Variants in MAD1L1 observed in about 807,000 individuals in gnomAD.
The protein encoded by MAD1L1 is mitotic spindle assembly checkpoint protein MAD1.
Under a neutral mutation model 96.9 loss-of-function variants are expected in MAD1L1, and 95 were observed. The ratio of observed to expected loss-of-function variants is 0.98; its 90% CI spans 0.83 to 1.16. The LOEUF (loss-of-function observed/expected upper bound fraction) is 1.16, where lower values mean the gene tolerates loss of function less well. Among genes scored for constraint, MAD1L1 ranks in the 50% most tolerant of loss-of-function variants. The probability of loss-of-function intolerance (pLI) is 0.00; values close to 1 mark genes in which losing one functional copy is unlikely to be tolerated. For missense variants in MAD1L1, 1,007 were observed against 954.4 expected (o/e 1.06, Z -0.73); for synonymous variants, 473 against 396.6 (o/e 1.19, Z -2.29).
rs1024615767 is a variant in MAD1L1, at chr7:1,939,904, C to T, written c.1597-3007G>A. The stretch of plus-strand genomic sequence containing the variant: ...CTCATCAGCCATGGGCAATCGTGGT[C>T]CCAGAGCCCAGAATGTGCCTCCAAC... On this transcript the variant is annotated intron_variant, in intron 16 of 18. Transcript: ENST00000265854. Among the ~76,000 whole-genome samples the T allele has an allele frequency of 1.1e-4, 17 of 152,206 alleles. No homozygotes were observed. The South Asian group carries it at 3.3e-3, about 30-fold the overall frequency.
intron 10 of MAD1L1, among the ~76,000 whole-genome samples, chr7:2,166,506 A>C (rs1562747530): frequency 6.6e-6 from 1 of 152,244 alleles, no homozygotes; most frequent in Admixed American, 6.5e-5. Flanking sequence ...AACCTTTCAA[A>C]CAAATGCCAT....
intron 18 of MAD1L1, among the ~76,000 whole-genome samples, chr7:1,841,502 C>A (rs1287798894): frequency 6.6e-6 from 1 of 152,240 alleles, no homozygotes; most frequent in East Asian, 1.9e-4. Context: ...GCCTCCTGAC[C>A]TCGGCCTGGC....
rs908495380 is a variant in MAD1L1 at position 2,146,187 on chromosome 7, C to T, written c.1073+2965G>A. Among the ~76,000 whole-genome samples, 3 of 152,206 alleles carry T rather than the reference C, an allele frequency of 2.0e-5. No individual in the cohort carries two copies. Among genetic ancestry groups the T allele is most frequent in the Admixed American group, 6.5e-5 (1 of 15,286 alleles). Reference sequence around the variant, plus strand: ...AGCTCGGCCTGAGGCACAAGCATTCCGAGATGCTGCCACGTGAGCTACCCC... The same window carrying T: ...AGCTCGGCCTGAGGCACAAGCATTCTGAGATGCTGCCACGTGAGCTACCCC... On this transcript the variant is annotated intron_variant, in intron 11 of 18. Coordinates refer to ENST00000265854, the MANE Select transcript of MAD1L1 (RefSeq NM_001013836.2). The surrounding 1 kb of genome is among the most constrained non-coding windows in gnomAD (Gnocchi z 6.2).
intron 13 of MAD1L1, among the ~76,000 whole-genome samples, chr7:2,007,254 G>A (rs1044311506): frequency 2.0e-5 from 3 of 152,222 alleles, no homozygotes; most frequent in Admixed American, 6.5e-5. Flanking sequence ...TGCCCCGCTG[G>A]ATCCAGATAC....
chr7:2,046,202 G>T (rs1584177509), intron 12 of MAD1L1, among the ~76,000 whole-genome samples: 2 of 152,284 alleles, frequency 1.3e-5, no homozygotes, highest in East Asian at 3.9e-4. Flanking sequence ...CTACAGAGGG[G>T]AGTCCCATCC....
intron 11 of MAD1L1, among the ~76,000 whole-genome samples, chr7:2,126,612 A>C (rs933713250): frequency 1.3e-5 from 2 of 152,308 alleles, no homozygotes; most frequent in South Asian, 2.1e-4. Context: ...GACCAAGCAC[A>C]ACCCAGGCCC....
At chr7:1,949,642 G>A (rs551664688) in intron 16 of MAD1L1, among the ~76,000 whole-genome samples, 46 of 152,312 alleles carry the variant, frequency 3.0e-4, no homozygotes, top group Admixed American at 8.5e-4. Flanking sequence ...CACAGGCACC[G>A]GCAGGGCCCT....
chr7:1,965,842 G>C (rs573776952), intron 15 of MAD1L1, among the ~76,000 whole-genome samples: 5 of 152,290 alleles, frequency 3.3e-5, no homozygotes, highest in Non-Finnish European at 7.3e-5. Context: ...AAGTGCAACA[G>C]ACGGTGCGAA....
rs1203484387 is a variant in MAD1L1, at chr7:1,816,005, C to T, written c.*65G>A. 19 of 1,504,506 alleles carry T rather than the reference C, an allele frequency of 1.3e-5. No individual in the cohort carries two copies. Among genetic ancestry groups the T allele is most frequent in the Middle Eastern group, 2.0e-4 (1 of 5,048 alleles). 93.2% of individuals were successfully genotyped at this position (1,504,506 alleles called of 1,614,324 possible). On this transcript the variant is annotated 3_prime_UTR_variant, in exon 19 of 19. Transcript: ENST00000265854. ...GGACGTGCACCCAGCCTGTGGCTGG[C>T]GGGGCAGGGGACCTGCAGGTCAGGC...
At chr7:1,953,156 C>T (rs1288325277) in intron 16 of MAD1L1, among the ~76,000 whole-genome samples, 1 of 152,146 alleles carries the variant, frequency 6.6e-6, no homozygotes, top group Non-Finnish European at 1.5e-5. Flanking sequence ...CACCCTGGTC[C>T]CAGGGACACG....
chr7:1,955,412 T>A (rs182284557), intron 16 of MAD1L1, among the ~76,000 whole-genome samples: 2 of 152,338 alleles, frequency 1.3e-5, no homozygotes, highest in Admixed American at 1.3e-4. Context: ...TGCCTCAGCC[T>A]CCTGAGTAGC....
intron 17 of MAD1L1, among the ~76,000 whole-genome samples, chr7:1,902,356 A>G (rs1477555551): frequency 1.3e-5 from 2 of 152,220 alleles, no homozygotes; most frequent in African/African-American, 4.8e-5. Context: ...CCTGAAACGC[A>G]GAAAATGCTT....
chr7:1,901,764 C>G (rs892730180), intron 17 of MAD1L1, among the ~76,000 whole-genome samples: 3 of 152,218 alleles, frequency 2.0e-5, no homozygotes, highest in African/African-American at 7.2e-5. Flanking sequence ...GAGCCCAGCC[C>G]ACCCACAGCC....
At chr7:2,048,164 T>G (rs1268846792) in intron 12 of MAD1L1, among the ~76,000 whole-genome samples, 1 of 152,128 alleles carries the variant, frequency 6.6e-6, no homozygotes, top group Admixed American at 6.5e-5. Context: ...CACGGGTGTG[T>G]TCATGAACAC....
chr7:2,028,282 G>A (rs113590587), intron 12 of MAD1L1, among the ~76,000 whole-genome samples: 11,522 of 151,844 alleles, frequency 0.076, 1,412 homozygotes, highest in African/African-American at 0.26. Flanking sequence ...AAAATTAGCC[G>A]GGCGTGGTGG....
intron 10 of MAD1L1, among the ~76,000 whole-genome samples, chr7:2,210,304 C>T (rs1008313444): frequency 2.0e-4 from 30 of 152,118 alleles, no homozygotes; most frequent in Non-Finnish European, 4.0e-4. Flanking sequence ...CATCTAGGCT[C>T]GAGCAATCCC....
intron 12 of MAD1L1, among the ~76,000 whole-genome samples, chr7:2,026,717 T>C (rs1280587115): frequency 6.6e-6 from 1 of 152,128 alleles, no homozygotes; most frequent in Non-Finnish European, 1.5e-5. Context: ...AAAATCACAA[T>C]GGAAATTGAT....
At chr7:1,819,423 T>C (rs6951276) in intron 18 of MAD1L1, among the ~76,000 whole-genome samples, 103,918 of 151,972 alleles carry the variant, frequency 0.68, 36,896 homozygotes, top group African/African-American at 0.86. Context: ...GCGGCGTCCA[T>C]TGTGGCCACT....
Position 2,102,185 on chromosome 7 carries a change from AACC to A in MAD1L1, c.1074-32850_1074-32848del, listed in dbSNP as rs1351940802. On this transcript the variant is annotated intron_variant, in intron 11 of 18. Coordinates refer to ENST00000265854, the MANE Select transcript of MAD1L1 (RefSeq NM_001013836.2). ...TCACCAACACTGCCACTGTCACCAC[AACC>A]ACCATCACCACCGTCACCGTCACCA... Among the ~76,000 whole-genome samples, 7 of 144,866 alleles carry A rather than the reference AACC, an allele frequency of 4.8e-5. 1 individual carries two copies. In the East Asian group the frequency reaches 1.0e-3, roughly 21 times the overall value.
Sources: allele counts gnomAD v4.1 joint callset (sites outside exome capture counted in the v4.1 genomes callset), GRCh38; gene constraint gnomAD v4.1.1; non-coding constraint Gnocchi (gnomAD v3.1); transcripts MANE v1.5; gene names NCBI Gene and HGNC (gene_info 2026-07-23, HGNC 2026-07-21).